The following CHSY3 variants were observed in gnomAD, a reference collection of about 807,000 sequenced individuals.
The protein encoded by CHSY3 is N-acetylgalactosaminyl-proteoglycan 3-beta-glucuronosyltransferase 3.
A neutral mutation model predicts 67.2 loss-of-function variants in CHSY3; 35 were observed. That is an observed-to-expected ratio of 0.52 (90% CI 0.40 to 0.69). The LOEUF (loss-of-function observed/expected upper bound fraction) is 0.69. Among genes scored for constraint, CHSY3 ranks in the 30% least tolerant of loss-of-function variants. The pLI, the probability that CHSY3 is intolerant of heterozygous loss-of-function variation, is 0.00. For missense variants in CHSY3, 1,069 were observed against 1,138.5 expected, an observed-to-expected ratio of 0.94 and a Z score of 0.88; for synonymous variants, 474 against 434.7, an observed-to-expected ratio of 1.09 and a Z score of -1.12.
At position 130,184,914 on chromosome 5, in the gene CHSY3, CTCAG is replaced by C. The variant is rs767938001; in HGVS notation, c.1776_1779del (p.Gln592HisfsTer9). The C allele has an allele frequency of 6.5e-7, 1 of 1,543,184 alleles. No homozygotes were observed. Among genetic ancestry groups the C allele is most frequent in the Non-Finnish European group, 9.0e-7 (1 of 1,115,512 alleles). On this transcript the variant is annotated frameshift_variant, in exon 3 of 3. Coordinates refer to ENST00000305031, the MANE Select transcript of CHSY3 (RefSeq NM_175856.5). LOFTEE classifies it high-confidence loss of function. The stretch of plus-strand genomic sequence containing the variant: ...CTTGTGGAGAGTATTAACAGTGAAA[CTCAG>C]TCATTCTCCTTTATATCTAATTCTT...
At chr5:130,104,037 G>A (rs1362620841) in intron 2 of CHSY3, among the ~76,000 whole-genome samples, 1 of 151,894 alleles carries the variant, frequency 6.6e-6, no homozygotes, top group African/African-American at 2.4e-5. Flanking sequence ...AAATGGATCT[G>A]CTAGTTTGGT....
intron 2 of CHSY3, among the ~76,000 whole-genome samples, chr5:130,109,259 T>C (rs1254073622): frequency 2.0e-5 from 3 of 151,706 alleles, no homozygotes; most frequent in African/African-American, 7.2e-5. Flanking sequence ...TGCTTGATAG[T>C]ATTAATATCA....
intron 2 of CHSY3, among the ~76,000 whole-genome samples, chr5:130,157,585 G>C (rs1028394546): frequency 4.6e-5 from 7 of 152,196 alleles, no homozygotes; most frequent in Non-Finnish European, 7.3e-5. Context: ...GGTCACATCT[G>C]TCTAAAAAAG....
intron 2 of CHSY3, among the ~76,000 whole-genome samples, chr5:130,174,493 TA>T (rs1301668019): frequency 1.3e-5 from 2 of 152,102 alleles, no homozygotes; most frequent in Non-Finnish European, 2.9e-5. Flanking sequence ...GTTCTCAAAT[TA>T]TGATCTGAAG....
intron 2 of CHSY3, among the ~76,000 whole-genome samples, chr5:130,134,556 G>C (rs1361233016): frequency 6.6e-6 from 1 of 152,130 alleles, no homozygotes; most frequent in African/African-American, 2.4e-5. Flanking sequence ...TTTATCTCTT[G>C]AGAGGAGAGA....
intron 2 of CHSY3, among the ~76,000 whole-genome samples, chr5:129,950,448 A>G (rs748961091): frequency 3.3e-5 from 5 of 152,178 alleles, no homozygotes; most frequent in Non-Finnish European, 5.9e-5. Context: ...AAAGAAAGAA[A>G]AGGCATCTAA....
At chr5:130,147,781 T>C (rs146546068) in intron 2 of CHSY3, among the ~76,000 whole-genome samples, 76 of 152,122 alleles carry the variant, frequency 5.0e-4, no homozygotes, top group African/African-American at 1.6e-3. Context: ...TGAGAGCGAG[T>C]AGGGGTAAGA....
intron 2 of CHSY3, among the ~76,000 whole-genome samples, chr5:130,049,079 CA>C (rs1166979072): frequency 6.6e-5 from 10 of 152,140 alleles, no homozygotes; most frequent in Middle Eastern, 3.4e-3. Flanking sequence ...CACAAAGTTG[CA>C]GCAAAAGGGA....
intron 2 of CHSY3, among the ~76,000 whole-genome samples, chr5:129,993,043 G>A (rs143276050): frequency 1.3e-5 from 2 of 152,180 alleles, no homozygotes; most frequent in East Asian, 3.9e-4. Context: ...AAACACTGTT[G>A]CAAATGCTTT....
chr5:130,056,201 T>A (rs77896548), intron 2 of CHSY3, among the ~76,000 whole-genome samples: 2,475 of 152,188 alleles, frequency 0.016, 33 homozygotes, highest in Middle Eastern at 0.054. Flanking sequence ...GGAGTTGACA[T>A]TTAAACAAAC....
intron 2 of CHSY3, among the ~76,000 whole-genome samples, chr5:130,055,279 TAAA>T (rs200891155): frequency 1.4e-5 from 2 of 140,034 alleles, no homozygotes; most frequent in African/African-American, 2.6e-5. Flanking sequence ...TTGCCCCTTG[TAAA>T]AAAAAAAAAA....
chr5:130,030,234 G>A (rs1764668444), intron 2 of CHSY3, among the ~76,000 whole-genome samples: 1 of 152,040 alleles, frequency 6.6e-6, no homozygotes, highest in Admixed American at 6.6e-5. Context: ...AAAGTTTTAA[G>A]TGTCATAGTT....
chr5:129,958,320 G>A lies in CHSY3; in HGVS notation c.1086+49960G>A, dbSNP rs139472221. Among the ~76,000 whole-genome samples, 285 of 152,160 alleles carry A rather than the reference G, an allele frequency of 1.9e-3. 3 individuals are homozygous for A. Among genetic ancestry groups the A allele is most frequent in the African/African-American group, 6.5e-3 (269 of 41,528 alleles). On this transcript the variant is annotated intron_variant, in intron 2 of 2. Coordinates refer to ENST00000305031, the MANE Select transcript of CHSY3 (RefSeq NM_175856.5). Reference sequence around the variant, plus strand: ...TATGCAGTGTGGATTTCTTCTACTGGTATATAACTAGACCTGATTCCAGCT... The same window carrying A: ...TATGCAGTGTGGATTTCTTCTACTGATATATAACTAGACCTGATTCCAGCT...
At chr5:130,043,643 T>C (rs1765065369) in intron 2 of CHSY3, among the ~76,000 whole-genome samples, 1 of 152,182 alleles carries the variant, frequency 6.6e-6, no homozygotes, top group Non-Finnish European at 1.5e-5. Context: ...TTTGCAGTAC[T>C]GTTGCCTTCT....
chr5:130,160,382 G>C (rs79897602), intron 2 of CHSY3, among the ~76,000 whole-genome samples: 6,270 of 152,200 alleles, frequency 0.041, 170 homozygotes, highest in Middle Eastern at 0.095. Context: ...TATAACATGG[G>C]ATGGCCCTTT....
chr5:130,148,987 G>A (rs1769154931), intron 2 of CHSY3, among the ~76,000 whole-genome samples: 1 of 152,066 alleles, frequency 6.6e-6, no homozygotes, highest in Admixed American at 6.6e-5. Context: ...TGTCCAGAAT[G>A]GTGTTGCCTA....
Position 129,970,447 on chromosome 5 carries a change from T to C in CHSY3, c.1086+62087T>C, listed in dbSNP as rs75283606. Among the ~76,000 whole-genome samples the C allele has an allele frequency of 7.5e-3, 929 of 123,660 alleles. 2 individuals are homozygous for C. Among genetic ancestry groups the C allele is most frequent in the African/African-American group, 0.025 (832 of 33,912 alleles). 81.1% of individuals were successfully genotyped at this position (123,660 alleles called of 152,430 possible). On this transcript the variant is annotated intron_variant, in intron 2 of 2. Transcript: ENST00000305031. ...ATAGATAGATAGATAGATAGATAGA[T>C]AGACAGACAGAAAGTGCTTTTGAGT...
At chr5:130,095,327 C>A (rs1448771754) in intron 2 of CHSY3, among the ~76,000 whole-genome samples, 1 of 152,118 alleles carries the variant, frequency 6.6e-6, no homozygotes, top group Non-Finnish European at 1.5e-5. Context: ...CTGTTTGATT[C>A]CAGGGCTGGG....
chr5:129,979,879 T>G (rs1404474538), intron 2 of CHSY3, among the ~76,000 whole-genome samples: 1 of 152,216 alleles, frequency 6.6e-6, no homozygotes, highest in Non-Finnish European at 1.5e-5. Context: ...TTTTATTCAC[T>G]TAATAATGTG....
Sources: gnomAD v4.1 joint callset for allele counts (sites outside exome capture counted in the v4.1 genomes callset) on GRCh38, gnomAD v4.1.1 for gene constraint, MANE v1.5 for transcripts, NCBI Gene and HGNC (gene_info 2026-07-23, HGNC 2026-07-21) for gene names.